The following PSD3 variants were observed in gnomAD, a reference collection of about 807,000 sequenced individuals.
The protein encoded by PSD3 is PH and SEC7 domain-containing protein 3.
PSD3 carries 49 observed loss-of-function variants against 105.5 expected under a neutral mutation model. The ratio of observed to expected loss-of-function variants is 0.46; its 90% CI spans 0.37 to 0.59. The LOEUF is 0.59. Among genes scored for constraint, PSD3 ranks in the 20% least tolerant of loss-of-function variants. PSD3 has a pLI of 0.00. For synonymous variants in PSD3, 557 were observed against 457.8 expected (o/e 1.22, Z -2.77); for missense variants, 1,561 against 1,263.8 (o/e 1.24, Z -3.57).
intron 9 of PSD3, among the ~76,000 whole-genome samples, chr8:18,759,294 G>A (rs1388871782): frequency 6.6e-6 from 1 of 152,060 alleles, no homozygotes; most frequent in African/African-American, 2.4e-5. Flanking sequence ...ATTGGTATCT[G>A]TAAGATTTAT....
intron 8 of PSD3, among the ~76,000 whole-genome samples, chr8:18,771,627 C>G (rs1807537578): frequency 6.6e-6 from 1 of 152,178 alleles, no homozygotes; most frequent in Non-Finnish European, 1.5e-5. Flanking sequence ...TGTTTTGAAA[C>G]TCTTTTTGAA....
intron 1 of PSD3, among the ~76,000 whole-genome samples, chr8:19,064,532 A>G (rs1395522): frequency 0.3 from 45,060 of 151,946 alleles, 7,310 homozygotes; most frequent in East Asian, 0.41. Flanking sequence ...GGACATTCCA[A>G]TGGCTTCTTT....
chr8:18,842,494 G>C (rs1220489868), intron 4 of PSD3, among the ~76,000 whole-genome samples: 2 of 152,238 alleles, frequency 1.3e-5, no homozygotes, highest in African/African-American at 2.4e-5. Flanking sequence ...AGCACTCGGG[G>C]AGTCCGAGGC....
chr8:18,594,489 A>G (rs1375622467), intron 12 of PSD3, among the ~76,000 whole-genome samples: 1 of 138,056 alleles, frequency 7.2e-6, no homozygotes. Context: ...GAAAGATAAT[A>G]TTTTCTTAGG....
At chr8:18,882,899 A>G (rs900274460) in intron 2 of PSD3, among the ~76,000 whole-genome samples, 4 of 152,012 alleles carry the variant, frequency 2.6e-5, no homozygotes, top group Admixed American at 6.6e-5. Flanking sequence ...ATATATCTGT[A>G]TAGTGGAGTA....
At chr8:19,079,911 A>C (rs1321319170) in intron 1 of PSD3, among the ~76,000 whole-genome samples, 2 of 141,128 alleles carry the variant, frequency 1.4e-5, no homozygotes, top group Non-Finnish European at 3.1e-5. Flanking sequence ...TTTTTTTGAG[A>C]CAGAGTCTAG....
intron 4 of PSD3, among the ~76,000 whole-genome samples, chr8:18,805,313 T>G (rs1811106037): frequency 1.3e-5 from 2 of 152,204 alleles, no homozygotes; most frequent in Admixed American, 1.3e-4. Context: ...ATTCACTGTT[T>G]TTTTAAAACA....
At chr8:18,612,354 C>T (rs2130652342) in intron 11 of PSD3, among the ~76,000 whole-genome samples, 2 of 150,544 alleles carry the variant, frequency 1.3e-5, no homozygotes, top group Admixed American at 1.3e-4. Context: ...TTTGAGAACA[C>T]CGCTTTAACG....
chr8:18,667,231 A>C (rs892213650), intron 9 of PSD3, among the ~76,000 whole-genome samples: 1 of 152,142 alleles, frequency 6.6e-6, no homozygotes, highest in Non-Finnish European at 1.5e-5. Context: ...TTTACAGAGA[A>C]CTGATTGGTC....
intron 4 of PSD3, among the ~76,000 whole-genome samples, chr8:18,840,463 C>T (rs1201431502): frequency 2.0e-5 from 3 of 152,186 alleles, no homozygotes; most frequent in Non-Finnish European, 2.9e-5. Flanking sequence ...TTTGTCCCCA[C>T]TGTCATTCAA....
At chr8:18,821,717 A>ACCCCCC (rs1171283633) in intron 4 of PSD3, among the ~76,000 whole-genome samples, 1 of 141,120 alleles carries the variant, frequency 7.1e-6, no homozygotes, top group African/African-American at 2.7e-5. Flanking sequence ...ACACACACAC[A>ACCCCCC]CCCCAATAAC....
intron 9 of PSD3, among the ~76,000 whole-genome samples, chr8:18,741,128 A>G (rs1183571272): frequency 1.3e-5 from 2 of 152,234 alleles, no homozygotes; most frequent in Non-Finnish European, 2.9e-5. Context: ...ACACTGAGTA[A>G]GAGGGAGATG....
At chr8:18,848,956 AT>A (rs1269241510) in intron 4 of PSD3, among the ~76,000 whole-genome samples, 1 of 152,230 alleles carries the variant, frequency 6.6e-6, no homozygotes, top group Non-Finnish European at 1.5e-5. Context: ...TCAATGATGA[AT>A]TCAAAGCTGT....
intron 4 of PSD3, among the ~76,000 whole-genome samples, chr8:18,853,535 C>T (rs1815759076): frequency 6.6e-6 from 1 of 151,800 alleles, no homozygotes; most frequent in South Asian, 2.1e-4. Flanking sequence ...TCCCTCAGCT[C>T]CAGGGGGAAA....
intron 11 of PSD3, among the ~76,000 whole-genome samples, chr8:18,622,639 T>A (rs895541485): frequency 4.6e-5 from 7 of 152,224 alleles, no homozygotes; most frequent in African/African-American, 1.4e-4. Context: ...TACAATTTGA[T>A]GTTTTTACAT....
chr8:18,819,892 T>C (rs949780576), intron 4 of PSD3, among the ~76,000 whole-genome samples: 5 of 152,222 alleles, frequency 3.3e-5, no homozygotes, highest in African/African-American at 1.2e-4. Context: ...GGTTTTCTCA[T>C]GCATCAACCA....
intron 11 of PSD3, among the ~76,000 whole-genome samples, chr8:18,625,634 C>T (rs547734220): frequency 6.6e-6 from 1 of 152,274 alleles, no homozygotes; most frequent in African/African-American, 2.4e-5. Context: ...TTAAACATTT[C>T]ATAAGCATAT....
chr8:18,832,471 A>C (rs189909533), intron 4 of PSD3, among the ~76,000 whole-genome samples: 38 of 152,210 alleles, frequency 2.5e-4, no homozygotes, highest in African/African-American at 9.1e-4. Context: ...CAATTTCCCT[A>C]CGCCGCTACT....
At chr8:18,814,564 T>C (rs1005042471) in intron 4 of PSD3, among the ~76,000 whole-genome samples, 4 of 152,254 alleles carry the variant, frequency 2.6e-5, no homozygotes, top group Non-Finnish European at 4.4e-5. Context: ...GAATGTAATA[T>C]GTGCAAGTCA....
Sources: allele counts gnomAD v4.1 joint callset (sites outside exome capture counted in the v4.1 genomes callset), GRCh38; gene constraint gnomAD v4.1.1; transcripts MANE v1.5; gene names NCBI Gene and HGNC (gene_info 2026-07-23, HGNC 2026-07-21).